SLC2A9: variants seen among roughly 807,000 people sequenced by gnomAD.
The protein encoded by SLC2A9 is solute carrier family 2, facilitated glucose transporter member 9.
In SLC2A9, 39 loss-of-function variants were observed where a neutral mutation model predicts 50.6. That is an observed-to-expected ratio of 0.77 (90% CI 0.60 to 1.01). The LOEUF (loss-of-function observed/expected upper bound fraction) is 1.01. SLC2A9 is among the 50% of genes least tolerant of loss of function. SLC2A9 has a pLI of 0.00. For synonymous variants in SLC2A9, 324 were observed against 276.9 expected, an observed-to-expected ratio of 1.17 and a Z score of -1.69; for missense variants, 686 against 677.6, an observed-to-expected ratio of 1.01 and a Z score of -0.14.
At chr4:9,891,028 A>ATATGGTCACCGGATATGGTCACCACCC (rs1737314251) in intron 8 of SLC2A9, among the ~76,000 whole-genome samples, 1 of 152,228 alleles carries the variant, frequency 6.6e-6, no homozygotes, top group South Asian at 2.1e-4. Flanking sequence ...TGGTCACCAC[A>ATATGGTCACCGGATATGGTCACCACCC]GCCCTTCTCC....
At chr4:10,018,266 C>T (rs1033823251) in intron 2 of SLC2A9, among the ~76,000 whole-genome samples, 2 of 152,156 alleles carry the variant, frequency 1.3e-5, no homozygotes, top group Non-Finnish European at 2.9e-5. Flanking sequence ...AACACCAGGC[C>T]GGGCACAGTG....
chr4:9,791,891 G>A lies in SLC2A9; in HGVS notation n.386-11826C>T, dbSNP rs143972829. On this transcript the variant is annotated intron_variant and non_coding_transcript_variant, in intron 3 of 3. Coordinates refer to the SLC2A9 transcript ENST00000503803. ...AGAAAAACACTTGCTGTTTTAAGCC[G>A]CTAAGTTCTGGGTTAATTTGTTATT... 6.4e-3 allele frequency among the ~76,000 whole-genome samples: 968 copies of A among 152,260 alleles called. 4 individuals carry two copies. Among genetic ancestry groups the A allele is most frequent in the Non-Finnish European group, 0.01 (684 of 68,020 alleles).
intron 10 of SLC2A9, among the ~76,000 whole-genome samples, chr4:9,870,237 C>T (rs757898115): frequency 6.6e-6 from 1 of 152,246 alleles, no homozygotes; most frequent in East Asian, 1.9e-4. Flanking sequence ...TTTGTCACAG[C>T]AGCCACAGGA....
intron 5 of SLC2A9, among the ~76,000 whole-genome samples, chr4:9,946,895 T>C (rs907982358): frequency 1.3e-5 from 2 of 152,184 alleles, no homozygotes; most frequent in Non-Finnish European, 2.9e-5. Context: ...ACAATTTCAA[T>C]TTAGACATCA....
At chr4:9,954,547 T>C (rs1750873478) in intron 5 of SLC2A9, among the ~76,000 whole-genome samples, 1 of 152,234 alleles carries the variant, frequency 6.6e-6, no homozygotes, top group Non-Finnish European at 1.5e-5. Context: ...GAGCCATACA[T>C]GCAGGGGGTG....
chr4:9,911,181 T>G (rs1741708711), intron 7 of SLC2A9, among the ~76,000 whole-genome samples: 1 of 152,084 alleles, frequency 6.6e-6, no homozygotes, highest in Non-Finnish European at 1.5e-5. Context: ...AAGCCATATT[T>G]AGTCTTATAT....
intron 5 of SLC2A9, among the ~76,000 whole-genome samples, chr4:9,947,500 G>A (rs1443225939): frequency 6.6e-6 from 1 of 152,172 alleles, no homozygotes; most frequent in African/African-American, 2.4e-5. Context: ...TGTTTTATGT[G>A]TTCTGTATTT....
In SLC2A9 at chr4:9,910,172, G is replaced by C. The variant is rs138553440; in HGVS notation, c.1003-1827C>G. On this transcript the variant is annotated intron_variant, in intron 7 of 11. Transcript: ENST00000264784. ...ATACATCCATCTATTGGCAAAAACAGGTTTTAATATTCGTGTAAAACAAGA... is the reference window on the plus strand; with the variant it reads ...ATACATCCATCTATTGGCAAAAACACGTTTTAATATTCGTGTAAAACAAGA... Among the ~76,000 whole-genome samples the C allele has an allele frequency of 6.8e-3, 1,033 of 152,318 alleles. 2 individuals are homozygous for C. The highest frequency in any genetic ancestry group is 0.01 in the Non-Finnish European group (686 of 68,018).
rs1260331053 is a variant in SLC2A9 at position 9,850,271 on chromosome 4, G to A, written c.1292-15263C>T. On this transcript the variant is annotated intron_variant, in intron 10 of 11. Transcript: ENST00000264784. Reference sequence around the variant, plus strand: ...CACAACCCCCACAGACACTTGAGACGACAGGGAGAACTGCTTAGACAGGTG... The same window carrying A: ...CACAACCCCCACAGACACTTGAGACAACAGGGAGAACTGCTTAGACAGGTG... 3.9e-5 allele frequency among the ~76,000 whole-genome samples: 6 copies of A among 152,142 alleles called. No individual in the cohort carries two copies. The East Asian group carries it at 1.2e-3, about 29-fold the overall frequency.
chr4:9,957,066 A>G (rs1268753708), intron 5 of SLC2A9, among the ~76,000 whole-genome samples: 3 of 152,060 alleles, frequency 2.0e-5, no homozygotes, highest in South Asian at 2.1e-4. Context: ...TGGGAATGAA[A>G]ACAGAGTTTT....
chr4:9,879,362 G>T, intron 10 of SLC2A9: 1 of 980,760 alleles, frequency 1.0e-6, no homozygotes. Context: ...GCGTGTGTGT[G>T]TGTGTGTATT....
intron 7 of SLC2A9, among the ~76,000 whole-genome samples, chr4:9,920,108 G>A (rs1391596531): frequency 6.6e-6 from 1 of 152,174 alleles, no homozygotes; most frequent in Admixed American, 6.5e-5. Flanking sequence ...GACATGTCTA[G>A]GAATAATTAG....
At chr4:10,033,597 G>C (rs1764004155) in intron 1 of SLC2A9, among the ~76,000 whole-genome samples, 1 of 152,232 alleles carries the variant, frequency 6.6e-6, no homozygotes. Flanking sequence ...ACAAGCAGCT[G>C]TGTGGCTGAA....
chr4:10,033,980 TC>T (rs1245176545), intron 1 of SLC2A9, among the ~76,000 whole-genome samples: 1 of 152,108 alleles, frequency 6.6e-6, no homozygotes, highest in African/African-American at 2.4e-5. Flanking sequence ...TCCTACTCTG[TC>T]CCCGGGGATG....
rs374724608 is a variant in SLC2A9, at chr4:9,920,502, C to G, written c.885G>C (p.Val295=). The G allele has an allele frequency of 1.9e-6, 3 of 1,614,206 alleles. No homozygotes were observed. The African/African-American group carries it at 4.0e-5, about 22-fold the overall frequency. The change falls in exon 7 of 12, where the codon GTG becomes GTC. Residue 295 remains valine, a synonymous_variant. Transcript: ENST00000264784. ...EVEEVLAESR[V]QRSIRLVSVL... is the part of the protein sequence containing the mutation. ...CGGACACCAGGCGGATGCTCCTCTGCACGCGGCTCTCAGCCAGGACCTCCT... is the reference window on the plus strand; with the variant it reads ...CGGACACCAGGCGGATGCTCCTCTGGACGCGGCTCTCAGCCAGGACCTCCT...
At chr4:9,874,035 C>A (rs1733882652) in intron 10 of SLC2A9, among the ~76,000 whole-genome samples, 1 of 152,138 alleles carries the variant, frequency 6.6e-6, no homozygotes, top group Non-Finnish European at 1.5e-5. Flanking sequence ...ATTATTTCAG[C>A]CTGTGAGGCC....
intron 11 of SLC2A9, among the ~76,000 whole-genome samples, chr4:9,827,369 C>T (rs1338984976): frequency 6.6e-6 from 1 of 152,196 alleles, no homozygotes; most frequent in East Asian, 1.9e-4. Flanking sequence ...CATGAGCCAC[C>T]ATTCCAGAAA....
At chr4:9,911,145 T>TAAC (rs1186954356) in intron 7 of SLC2A9, among the ~76,000 whole-genome samples, 1 of 151,574 alleles carries the variant, frequency 6.6e-6, no homozygotes, top group Non-Finnish European at 1.5e-5. Flanking sequence ...ACTTAAAGTA[T>TAAC]AATAATAATA....
rs749897585 is a variant in SLC2A9, at chr4:9,783,112, C to T, written n.386-3047G>A. 5 of 1,614,244 alleles carry T rather than the reference C, an allele frequency of 3.1e-6. No homozygotes were observed. The Admixed American group carries it at 8.3e-5, about 27-fold the overall frequency. On this transcript the variant is annotated intron_variant and non_coding_transcript_variant, in intron 3 of 3. Transcript: ENST00000503803. ...CACTCAACCCCGTCATCTATGCCTTCAACGCCGACTTTCAGAAGGTGTTTG... is the reference window on the plus strand; with the variant it reads ...CACTCAACCCCGTCATCTATGCCTTTAACGCCGACTTTCAGAAGGTGTTTG...
Sources: allele counts gnomAD v4.1 joint callset (sites outside exome capture counted in the v4.1 genomes callset), GRCh38; gene constraint gnomAD v4.1.1; transcripts MANE v1.5; gene names NCBI Gene and HGNC (gene_info 2026-07-23, HGNC 2026-07-21).